DST: variants seen among roughly 807,000 people sequenced by gnomAD.
DST encodes the protein bullous pemphigoid antigen.
DST carries 253 observed loss-of-function variants against 875.2 expected under a neutral mutation model. The observed-to-expected ratio is 0.29, with a 90% CI of 0.26 to 0.32. The LOEUF is 0.32. Among genes scored for constraint, DST ranks in the 10% least tolerant of loss-of-function variants. DST has a pLI of 1.00. For missense variants in DST, 8,287 were observed against 9,111.6 expected, an observed-to-expected ratio of 0.91 and a Z score of 3.68; for synonymous variants, 3,124 against 3,197.1, an observed-to-expected ratio of 0.98 and a Z score of 0.77.
intron 3 of DST, among the ~76,000 whole-genome samples, chr6:56,884,651 G>A (rs1783779631): frequency 6.6e-6 from 1 of 152,094 alleles, no homozygotes; most frequent in South Asian, 2.1e-4. Flanking sequence ...GCCTCTCCAA[G>A]TTTACTCCTG....
chr6:56,602,784 C>A (rs2098457919), intron 43 of DST, 98 bp downstream of exon 43: 3 of 899,128 alleles, frequency 3.3e-6, no homozygotes, highest in East Asian at 3.0e-5. Flanking sequence ...GGAAATAATC[C>A]TTTGTAGCCT....
intron 3 of DST, among the ~76,000 whole-genome samples, chr6:56,900,057 C>T (rs1793343927): frequency 6.6e-6 from 1 of 152,202 alleles, no homozygotes; most frequent in Admixed American, 6.5e-5. Context: ...TTCTCCTATC[C>T]TGACACTGGT....
intron 30 of DST, among the ~76,000 whole-genome samples, chr6:56,630,585 G>C (rs1018236110): frequency 1.1e-4 from 17 of 152,022 alleles, no homozygotes; most frequent in African/African-American, 3.9e-4. Context: ...CCCACAAGTG[G>C]TATTCAGCAA....
chr6:56,561,162 G>T (rs922261225), intron 57 of DST, 146 bp downstream of exon 57: 3 of 871,540 alleles, frequency 3.4e-6, no homozygotes, highest in Non-Finnish European at 4.9e-6. Context: ...TTATAGAAAG[G>T]CACATTAAAC....
intron 10 of DST, among the ~76,000 whole-genome samples, chr6:56,663,214 C>T (rs2099054384): frequency 6.6e-6 from 1 of 152,158 alleles, no homozygotes; most frequent in Non-Finnish European, 1.5e-5. Context: ...GATGCAGACG[C>T]ACTACATTAT....
intron 49 of DST, among the ~76,000 whole-genome samples, chr6:56,590,704 C>T (rs2098256630): frequency 6.6e-6 from 1 of 152,150 alleles, no homozygotes; most frequent in Admixed American, 6.5e-5. Context: ...TGACCTGGCC[C>T]ACATCATCTC....
chr6:56,485,549 T>G, intron 87 of DST, 78 bp from the exon 88 acceptor site: 1 of 1,405,254 alleles, frequency 7.1e-7, no homozygotes, highest in Non-Finnish European at 9.8e-7. Flanking sequence ...AATTAATTGA[T>G]GAAGGTTGAG....
At chr6:56,941,199 G>A (rs1204481528) in intron 2 of DST, among the ~76,000 whole-genome samples, 1 of 152,070 alleles carries the variant, frequency 6.6e-6, no homozygotes, top group Non-Finnish European at 1.5e-5. Flanking sequence ...GTTTCCCTCT[G>A]AGCACTGCTT....
chr6:56,607,714 T>C lies in DST; in HGVS notation c.6914A>G (p.Asn2305Ser), dbSNP rs759152371. 1.2e-6 allele frequency: 2 copies of C among 1,613,526 alleles called. No individual in the cohort carries two copies. Among genetic ancestry groups the C allele is most frequent in the Non-Finnish European group, 1.7e-6 (2 of 1,179,676 alleles). The part of the protein sequence containing the change: ...NRKCAIDEEF[N>S]EMRNTVINSE... ...ATTGATAACAGTATTTCTCATTTCATTAAATTCTTCATCTATAGCACACTT... is the reference window on the plus strand; with the variant it reads ...ATTGATAACAGTATTTCTCATTTCACTAAATTCTTCATCTATAGCACACTT... Residue 2305 changes from asparagine (N) to serine (S), a missense_variant, in exon 40 of 104, where the codon AAT becomes AGT. Transcript: ENST00000680361.
chr6:56,862,054 G>A (rs1241263038), intron 3 of DST: 1 of 152,204 alleles, frequency 6.6e-6, no homozygotes, highest in Non-Finnish European at 1.5e-5. Context: ...GATGAATAAT[G>A]TCTGTTGGGT....
intron 53 of DST, among the ~76,000 whole-genome samples, chr6:56,570,554 A>G (rs1369140622): frequency 6.6e-6 from 1 of 152,172 alleles, no homozygotes; most frequent in Non-Finnish European, 1.5e-5. Context: ...GAGCTCAGGC[A>G]GCAATGTGAG....
chr6:56,770,986 C>A (rs1482065425), intron 4 of DST, among the ~76,000 whole-genome samples: 3 of 143,388 alleles, frequency 2.1e-5, no homozygotes, highest in African/African-American at 7.8e-5. Context: ...GCAACAAGAG[C>A]GAAACTCCAT....
chr6:56,900,641 C>T lies in DST; in HGVS notation c.217-20G>A. ...GAATCCCTGTGGCAGAAAACACAAC[C>T]AAGCAAATCCAGATTTGTATTGAGT... On this transcript the variant is annotated intron_variant, in intron 2 of 103. Coordinates refer to ENST00000680361, the MANE Select transcript of DST (RefSeq NM_001374736.1). 2.9e-6 allele frequency: 4 copies of T among 1,363,608 alleles called. No homozygotes were observed. The highest frequency in any genetic ancestry group is 3.9e-6 in the Non-Finnish European group (4 of 1,019,900). The allele number at this position is 1,363,608 out of a possible 1,614,324, so 84.5% of individuals were successfully genotyped here. A position where few individuals can be genotyped will look rare whatever the true frequency, so the allele number is the denominator to read the frequency against.
chr6:56,723,967 C>T (rs1396252849), intron 5 of DST, among the ~76,000 whole-genome samples: 1 of 152,228 alleles, frequency 6.6e-6, no homozygotes, highest in Non-Finnish European at 1.5e-5. Context: ...TTGAAAACTG[C>T]TGTTTCCCTT....
chr6:56,700,976 C>T (rs2099300310), intron 8 of DST, among the ~76,000 whole-genome samples: 2 of 140,228 alleles, frequency 1.4e-5, no homozygotes, highest in African/African-American at 2.7e-5. Flanking sequence ...CCCTTTTTCT[C>T]TTGCCTTTTT....
In DST at chr6:56,851,324, C is replaced by T; in HGVS notation, c.625+73G>A. ...CCAGTGCATCAGCTCCCGCTATGGCCCCCCAGGAGGTAGATGGGCGAATTT... is the reference window on the plus strand; with the variant it reads ...CCAGTGCATCAGCTCCCGCTATGGCTCCCCAGGAGGTAGATGGGCGAATTT... On this transcript the variant is annotated intron_variant, in intron 4 of 103. Coordinates refer to ENST00000680361, the MANE Select transcript of DST (RefSeq NM_001374736.1). The T allele has an allele frequency of 3.6e-6, 5 of 1,397,264 alleles. 1 individual carries two copies. Among genetic ancestry groups the T allele is most frequent in the South Asian group, 1.3e-5 (1 of 76,822 alleles). The allele number at this position is 1,397,264 out of a possible 1,614,324, so 86.6% of individuals were successfully genotyped here.
chr6:56,515,350 G>T, intron 72 of DST, 100 bp downstream of exon 72: 2 of 1,304,260 alleles, frequency 1.5e-6, no homozygotes, highest in Non-Finnish European at 2.1e-6. Context: ...ATTCTAAAAT[G>T]CCTTAATCAT....
chr6:56,650,203 A>G (rs1289543137), intron 12 of DST, among the ~76,000 whole-genome samples: 2 of 152,090 alleles, frequency 1.3e-5, no homozygotes, highest in African/African-American at 4.8e-5. Context: ...TGTAGGGGAA[A>G]AAAGGTGTCT....
rs142920871 is a variant in DST, at chr6:56,712,513, AGAC to A, written c.688-8147_688-8145del. 7.7e-3 allele frequency among the ~76,000 whole-genome samples: 1,177 copies of A among 152,338 alleles called. 16 individuals carry two copies. Among genetic ancestry groups the A allele is most frequent in the African/African-American group, 0.027 (1,114 of 41,582 alleles). On this transcript the variant is annotated intron_variant, in intron 5 of 103. Transcript: ENST00000680361. ...GTGAAAATGTGTGGTTGTAATATAA[AGAC>A]AAATAATGACAACGAAGTAGAATGC... is the stretch of plus-strand genomic sequence containing the variant.
Sources: allele counts gnomAD v4.1 joint callset (sites outside exome capture counted in the v4.1 genomes callset), GRCh38; gene constraint gnomAD v4.1.1; transcripts MANE v1.5; gene names NCBI Gene and HGNC (gene_info 2026-07-23, HGNC 2026-07-21).